PTRH1: variants seen among roughly 807,000 people sequenced by gnomAD.
The protein encoded by PTRH1 is peptidyl-tRNA hydrolase.
PTRH1 carries 13 observed loss-of-function variants against 15.7 expected under a neutral mutation model. That is an observed-to-expected ratio of 0.83 (90% CI 0.54 to 1.31). PTRH1 has a LOEUF of 1.31. Among genes scored for constraint, PTRH1 ranks in the 40% most tolerant of loss-of-function variants. The pLI, the probability that PTRH1 is intolerant of heterozygous loss-of-function variation, is 0.00. For synonymous variants in PTRH1, 139 were observed against 136.7 expected, an observed-to-expected ratio of 1.02 and a Z score of -0.12; for missense variants, 319 against 296.2, an observed-to-expected ratio of 1.08 and a Z score of -0.56.
Position 127,705,694 on chromosome 9 carries a change from GC to G in PTRH1, c.205+9740del. ...TTTGCCTGCCTAGGCTCCTGTGGGAGCAGCTGTTCAGGCGGGGGAGGGGGCA... is the reference window on the plus strand; with the variant it reads ...TTTGCCTGCCTAGGCTCCTGTGGGAGAGCTGTTCAGGCGGGGGAGGGGGCA... On this transcript the variant is annotated intron_variant, in intron 1 of 2. Transcript: ENST00000335223. This position sits in a 1 kb window ranked among gnomAD's most constrained non-coding sequence, Gnocchi z 4.7. Among the ~76,000 whole-genome samples, 1 of 152,372 alleles carries G rather than the reference GC, an allele frequency of 6.6e-6. No individual in the cohort carries two copies. Among genetic ancestry groups the G allele is most frequent in the African/African-American group, 2.4e-5 (1 of 41,592 alleles).
Position 127,715,635 on chromosome 9 carries a change from C to T in PTRH1, c.5G>A (p.Arg2Lys). ...TCCGGCGCCCAAAAAGCCGCCCGGC[C>T]TCATGCTGCCCCCATTCACTCCGAC... is the stretch of plus-strand genomic sequence containing the variant. M[R>K]PGGFLGAGQR... Residue 2 changes from arginine to lysine, a missense_variant, in exon 1 of 5, where the codon AGG (arginine) becomes AAG (lysine). Coordinates refer to ENST00000543175, the MANE Select transcript of PTRH1 (RefSeq NM_001002913.3). This position sits in a 1 kb window ranked among gnomAD's most constrained non-coding sequence, Gnocchi z 5.8. 1.9e-6 allele frequency: 3 copies of T among 1,611,894 alleles called. No homozygotes were observed. The highest frequency in any genetic ancestry group is 2.5e-6 in the Non-Finnish European group (3 of 1,179,842).
rs1295041252 is a variant in PTRH1, at chr9:127,715,129, C to T, written c.162G>A (p.Gly54=). ...CCACACCCAGCCGCCGCGCCAGCTG[C>T]CCCAGCACCGCCATGCCCACGCTGT... ...TRHSVGMAVL[G]QLARRLGVAE... Residue 54 remains glycine (G), a synonymous_variant, in exon 2 of 5, where the codon GGG becomes GGA. Coordinates refer to ENST00000543175, the MANE Select transcript of PTRH1 (RefSeq NM_001002913.3). The surrounding 1 kb of genome is among the most constrained non-coding windows in gnomAD (Gnocchi z 5.8). The T allele has an allele frequency of 3.9e-6, 6 of 1,536,648 alleles. No homozygotes were observed. Among genetic ancestry groups the T allele is most frequent in the Non-Finnish European group, 5.2e-6 (6 of 1,147,122 alleles).
intron 1 of PTRH1, among the ~76,000 whole-genome samples, chr9:127,700,667 C>T (rs1842596707): frequency 6.6e-6 from 1 of 152,218 alleles, no homozygotes; most frequent in Non-Finnish European, 1.5e-5. Context: ...GGACCTCGGG[C>T]CATGGCAGGT....
chr9:127,711,105 C>T, downstream of PTRH1: 1 of 1,270,794 alleles, frequency 7.9e-7, no homozygotes, highest in Non-Finnish European at 1.1e-6. Flanking sequence ...TAGCCCCAAC[C>T]CTCCCAGGGA....
chr9:127,712,978 G>A, downstream of PTRH1: 1 of 1,603,596 alleles, frequency 6.2e-7, no homozygotes, highest in Non-Finnish European at 8.5e-7. Context: ...CCAGAAACCT[G>A]GCTCGCCGAA....
chr9:127,700,426 A>C (rs1415706382), intron 1 of PTRH1, among the ~76,000 whole-genome samples: 2 of 152,146 alleles, frequency 1.3e-5, no homozygotes, highest in Non-Finnish European at 2.9e-5. Context: ...TCAACTAAAA[A>C]TGAAATCAGC....
chr9:127,695,131 C>G (rs1185521118), exon 2 of PTRH1: 1 of 697,082 alleles, frequency 1.4e-6, no homozygotes, highest in Non-Finnish European at 2.6e-6. Context: ...GACGATGAGT[C>G]CAAGCCAAGC....
At chr9:127,704,058 C>T (rs1004078616) in intron 1 of PTRH1, among the ~76,000 whole-genome samples, 2 of 152,210 alleles carry the variant, frequency 1.3e-5, no homozygotes, top group African/African-American at 4.8e-5. Flanking sequence ...TTTGACCACA[C>T]CTGCCTAGAG....
In PTRH1 at chr9:127,713,928, C is replaced by T; in HGVS notation, c.*172G>A. On this transcript the variant is annotated 3_prime_UTR_variant, in exon 5 of 5. Coordinates refer to ENST00000543175, the MANE Select transcript of PTRH1 (RefSeq NM_001002913.3). ...TAGGACACAGAGAGAAGAACCTACT[C>T]CAGAAATGGACTGGTCCAGTCACAG... 1 of 1,606,936 alleles carries T rather than the reference C, an allele frequency of 6.2e-7. No individual in the cohort carries two copies. Among genetic ancestry groups the T allele is most frequent in the East Asian group, 2.2e-5 (1 of 44,856 alleles).
chr9:127,712,345 T>C, downstream of PTRH1: 1 of 1,613,796 alleles, frequency 6.2e-7, no homozygotes. Flanking sequence ...CAGAACATTC[T>C]GCAGGTGAGC....
upstream of PTRH1, chr9:127,715,674 G>A (rs1364410259): frequency 6.2e-6 from 10 of 1,600,772 alleles, no homozygotes; most frequent in Non-Finnish European, 7.7e-6. The surrounding 1 kb of genome is among the most constrained non-coding windows in gnomAD (Gnocchi z 5.8). Flanking sequence ...GCCCCCTGAC[G>A]TCATCACCCC....
At chr9:127,695,321 C>T (rs1266329355) in intron 1 of PTRH1, 3 of 581,594 alleles carry the variant, frequency 5.2e-6, no homozygotes, top group Non-Finnish European at 9.1e-6. Flanking sequence ...GTGAAAAGAG[C>T]ACATTATGGG....
downstream of PTRH1, chr9:127,711,174 C>T: frequency 6.3e-7 from 1 of 1,584,562 alleles, no homozygotes; most frequent in Non-Finnish European, 8.6e-7. Flanking sequence ...AAGGGGTGTG[C>T]CCAGGGCTTG....
At chr9:127,702,714 C>CTT (rs951509896) in intron 1 of PTRH1, among the ~76,000 whole-genome samples, 3 of 145,324 alleles carry the variant, frequency 2.1e-5, no homozygotes, top group Non-Finnish European at 4.6e-5. Flanking sequence ...CATTATTTTT[C>CTT]TTTTTTTTTT....
At chr9:127,704,133 T>C (rs1765142554) in intron 1 of PTRH1, among the ~76,000 whole-genome samples, 1 of 152,192 alleles carries the variant, frequency 6.6e-6, no homozygotes, top group Non-Finnish European at 1.5e-5. Context: ...AATGGTGTTT[T>C]TCTAACACCA....
downstream of PTRH1, chr9:127,711,125 C>G: frequency 7.1e-7 from 1 of 1,402,352 alleles, no homozygotes; most frequent in Non-Finnish European, 9.7e-7. Flanking sequence ...AGAGAGCATG[C>G]TGGTGTTTAA....
intron 1 of PTRH1, among the ~76,000 whole-genome samples, chr9:127,704,858 C>T (rs1842630884): frequency 6.6e-6 from 1 of 152,178 alleles, no homozygotes; most frequent in South Asian, 2.1e-4. Flanking sequence ...AAGCAGTCCT[C>T]CCACCTCAGC....
chr9:127,701,555 A>C (rs1842603564), intron 1 of PTRH1, among the ~76,000 whole-genome samples: 8 of 152,234 alleles, frequency 5.3e-5, no homozygotes, highest in Admixed American at 5.2e-4. Context: ...CTCAGAGCTG[A>C]TGAACCTGAA....
Position 127,715,198 on chromosome 9 carries a change from C to G in PTRH1, c.97-4G>C, listed in dbSNP as rs1262092944. 1 of 1,525,104 alleles carries G rather than the reference C, an allele frequency of 6.6e-7. No individual in the cohort carries two copies. The highest frequency in any genetic ancestry group is 2.0e-5 in the Admixed American group (1 of 49,686). 94.5% of individuals were successfully genotyped at this position (1,525,104 alleles called of 1,614,324 possible). A position where few individuals can be genotyped will look rare whatever the true frequency, so the allele number is the denominator to read the frequency against. On this transcript the variant is annotated splice_region_variant and splice_polypyrimidine_tract_variant and intron_variant, in intron 1 of 4. Coordinates refer to ENST00000543175, the MANE Select transcript of PTRH1 (RefSeq NM_001002913.3). The surrounding 1 kb of genome is among the most constrained non-coding windows in gnomAD (Gnocchi z 5.8). The stretch of plus-strand genomic sequence containing the variant: ...CGGGATTCCCCAGGCCAGCCACCTG[C>G]GGGCGGCACCAGGGAAACTGAGGCC...
Sources: allele counts gnomAD v4.1 joint callset (sites outside exome capture counted in the v4.1 genomes callset), GRCh38; gene constraint gnomAD v4.1.1; non-coding constraint Gnocchi (gnomAD v3.1); transcripts MANE v1.5; gene names NCBI Gene and HGNC (gene_info 2026-07-23, HGNC 2026-07-21).